Variants in TENM3 observed in about 807,000 individuals in gnomAD.
TENM3 encodes the protein teneurin transmembrane protein 3.
TENM3 carries 63 observed loss-of-function variants against 255.1 expected under a neutral mutation model. The observed-to-expected ratio is 0.25, with a 90% CI of 0.20 to 0.30. TENM3 has a LOEUF of 0.30. TENM3 is among the 10% of genes least tolerant of loss of function. The probability of loss-of-function intolerance (pLI) is 1.00; values close to 1 mark genes in which losing one functional copy is unlikely to be tolerated. For missense variants in TENM3, 2,929 were observed against 3,461.1 expected, an observed-to-expected ratio of 0.85 and a Z score of 3.86; for synonymous variants, 1,306 against 1,322.3, an observed-to-expected ratio of 0.99 and a Z score of 0.27.
At chr4:181,813,294 C>A in the TENM3 span, among the ~76,000 whole-genome samples, 1 of 152,092 alleles carries the variant, frequency 6.6e-6, no homozygotes, top group Non-Finnish European at 1.5e-5. Context: ...AGAAAATGAT[C>A]AAACACAAAC....
intron 3 of TENM3, among the ~76,000 whole-genome samples, chr4:182,405,953 C>T (rs569514778): frequency 9.2e-5 from 14 of 152,188 alleles, no homozygotes; most frequent in Admixed American, 3.9e-4. Context: ...TGCTGGTGTG[C>T]GACAGTGGCA....
At chr4:181,606,460 G>C in the TENM3 span, among the ~76,000 whole-genome samples, 2 of 152,116 alleles carry the variant, frequency 1.3e-5, no homozygotes, top group Non-Finnish European at 2.9e-5. Flanking sequence ...GACAATGCTT[G>C]GTTCTCAGTT....
chr4:181,551,311 G>A, the TENM3 span, among the ~76,000 whole-genome samples: 1 of 150,752 alleles, frequency 6.6e-6, no homozygotes, highest in Admixed American at 6.6e-5. Flanking sequence ...TCTTTTTCTA[G>A]TTACAATTAG....
At chr4:182,326,998 T>C (rs1429056612) in intron 2 of TENM3, among the ~76,000 whole-genome samples, 1 of 152,140 alleles carries the variant, frequency 6.6e-6, no homozygotes, top group East Asian at 1.9e-4. Context: ...CTCCTTCCTG[T>C]GGTTTGATAT....
At chr4:182,103,886 CA>C in the TENM3 span, among the ~76,000 whole-genome samples, 2,051 of 130,944 alleles carry the variant, frequency 0.016, 32 homozygotes, top group African/African-American at 0.059. Context: ...CACAGATATG[CA>C]AATTGTCCTT....
At chr4:182,401,242 C>T (rs1769197518) in intron 3 of TENM3, among the ~76,000 whole-genome samples, 1 of 151,912 alleles carries the variant, frequency 6.6e-6, no homozygotes, top group African/African-American at 2.4e-5. Flanking sequence ...AATTTTTTTC[C>T]CATGGAACTA....
chr4:182,760,239 A>T (rs1763069302), intron 22 of TENM3, among the ~76,000 whole-genome samples: 1 of 152,186 alleles, frequency 6.6e-6, no homozygotes, highest in African/African-American at 2.4e-5. Flanking sequence ...TTCCTTAGCC[A>T]GAGTAATTCC....
the TENM3 span, among the ~76,000 whole-genome samples, chr4:182,010,840 T>C: frequency 6.6e-6 from 1 of 152,222 alleles, no homozygotes; most frequent in African/African-American, 2.4e-5. Flanking sequence ...ACAGAAGTCA[T>C]TAAATCCAAG....
chr4:182,000,807 T>G, the TENM3 span, among the ~76,000 whole-genome samples: 2 of 150,132 alleles, frequency 1.3e-5, no homozygotes, highest in African/African-American at 5.0e-5. Flanking sequence ...TTAGGCTTTG[T>G]TAGAACTATC....
intron 1 of TENM3, among the ~76,000 whole-genome samples, chr4:182,168,740 G>A (rs1286577732): frequency 6.6e-6 from 1 of 152,076 alleles, no homozygotes; most frequent in Non-Finnish European, 1.5e-5. Flanking sequence ...TTATAGGTAT[G>A]GATAATTGCA....
At chr4:181,683,806 G>A in the TENM3 span, among the ~76,000 whole-genome samples, 1 of 152,082 alleles carries the variant, frequency 6.6e-6, no homozygotes, top group Admixed American at 6.6e-5. Flanking sequence ...TCTGAGACAG[G>A]GGACAGAAGG....
chr4:181,676,856 A>G, the TENM3 span, among the ~76,000 whole-genome samples: 1 of 152,126 alleles, frequency 6.6e-6, no homozygotes, highest in South Asian at 2.1e-4. Context: ...GATCCAGATC[A>G]TTCAATCTGG....
chr4:182,733,284 G>A (rs1441807901), intron 16 of TENM3, among the ~76,000 whole-genome samples: 2 of 152,160 alleles, frequency 1.3e-5, no homozygotes, highest in Admixed American at 1.3e-4. Context: ...GAGTGAAGGC[G>A]GCAGTGAATA....
At chr4:182,315,015 C>A (rs1257723658) in intron 1 of TENM3, among the ~76,000 whole-genome samples, 5 of 152,104 alleles carry the variant, frequency 3.3e-5, no homozygotes. Context: ...TCTGCCTTGA[C>A]GTGATATTAG....
chr4:181,586,851 AAAAC>A, the TENM3 span, among the ~76,000 whole-genome samples: 27,034 of 151,826 alleles, frequency 0.18, 2,535 homozygotes, highest in African/African-American at 0.22. Flanking sequence ...AAAACAAAAC[AAAAC>A]AAACAAACAA....
At chr4:181,492,079 G>C in the TENM3 span, among the ~76,000 whole-genome samples, 1 of 152,122 alleles carries the variant, frequency 6.6e-6, no homozygotes, top group African/African-American at 2.4e-5. Context: ...TTACTATTAT[G>C]CAAACATAGT....
rs144336590 is a variant in TENM3 at position 182,176,587 on chromosome 4, A to G, written c.-76+31833A>G. On this transcript the variant is annotated intron_variant, in intron 1 of 2. Coordinates refer to the TENM3 transcript ENST00000512480. ...AATAAACTCGTAATTATTTGTTAAA[A>G]CAGTCACCAACATTTACATAATGTT... Among the ~76,000 whole-genome samples, 151 of 152,298 alleles carry G rather than the reference A, an allele frequency of 9.9e-4. 2 individuals carry two copies. In the East Asian group the frequency reaches 0.02, roughly 20 times the overall value.
intron 3 of TENM3, among the ~76,000 whole-genome samples, chr4:182,350,622 T>C (rs1291985973): frequency 2.6e-5 from 4 of 152,190 alleles, no homozygotes; most frequent in Admixed American, 2.6e-4. Flanking sequence ...CAGTAAAAGG[T>C]AGAATTCTCA....
At chr4:182,674,646 C>T (rs1356716930) in intron 7 of TENM3, among the ~76,000 whole-genome samples, 1 of 151,528 alleles carries the variant, frequency 6.6e-6, no homozygotes, top group African/African-American at 2.4e-5. Context: ...CACAATCTTA[C>T]CTCACTGTAG....
Sources: allele counts gnomAD v4.1 joint callset (sites outside exome capture counted in the v4.1 genomes callset), GRCh38; gene constraint gnomAD v4.1.1; transcripts MANE v1.5; gene names NCBI Gene and HGNC (gene_info 2026-07-23, HGNC 2026-07-21).